JAK1: variants seen among roughly 807,000 people sequenced by gnomAD.
JAK1 encodes Janus kinase 1, also known as tyrosine-protein kinase JAK1.
In JAK1, 16 loss-of-function variants were observed where a neutral mutation model predicts 136.6. The observed-to-expected ratio is 0.12, with a 90% confidence interval of 0.08 to 0.18. The LOEUF (loss-of-function observed/expected upper bound fraction) is 0.18, where lower values mean the gene tolerates loss of function less well. Among genes scored for constraint, JAK1 ranks in the 10% least tolerant of loss-of-function variants. The pLI is 1.00. For missense variants in JAK1, 859 were observed against 1,450.1 expected, an observed-to-expected ratio of 0.59 and a Z score of 6.62; for synonymous variants, 492 against 519.5, an observed-to-expected ratio of 0.95 and a Z score of 0.72.
intron 2 of JAK1, among the ~76,000 whole-genome samples, chr1:65,018,012 G>A (rs1249921762): frequency 6.6e-6 from 1 of 151,868 alleles, no homozygotes. Context: ...GTTTCACCAT[G>A]TTGGCCGGCG....
intron 8 of JAK1, among the ~76,000 whole-genome samples, chr1:64,861,098 G>A (rs117244449): frequency 1.3e-5 from 2 of 152,186 alleles, no homozygotes; most frequent in East Asian, 3.9e-4. Context: ...GCACAAAAGT[G>A]GAGGTGGGAA....
intron 1 of JAK1, among the ~76,000 whole-genome samples, chr1:64,921,661 G>A (rs1007210017): frequency 1.3e-5 from 2 of 152,078 alleles, no homozygotes; most frequent in Non-Finnish European, 2.9e-5. Flanking sequence ...CCAAACTGAT[G>A]TGTAACCTAG....
chr1:64,839,469 G>T, intron 20 of JAK1, 134 bp downstream of exon 20: 2 of 733,288 alleles, frequency 2.7e-6, no homozygotes, highest in East Asian at 5.4e-5. Flanking sequence ...TGGAAGCCTT[G>T]AGAGTGTGTG....
At chr1:65,023,913 CT>C (rs35481521) in intron 2 of JAK1, among the ~76,000 whole-genome samples, 25,088 of 119,126 alleles carry the variant, frequency 0.21, 2,412 homozygotes, top group East Asian at 0.39. Context: ...TAGATTCATC[CT>C]TTTTTTTTTT....
chr1:64,928,778 C>CAAAAAAAAAAAAAAAAAAAAAAAAAAAA (rs1183218798), intron 1 of JAK1, among the ~76,000 whole-genome samples: 17 of 61,148 alleles, frequency 2.8e-4, no homozygotes, highest in Middle Eastern at 0.024. Flanking sequence ...TAAAACTCTG[C>CAAAAAAAAAAAAAAAAAAAAAAAAAAAA]AAAAAAAAAA....
At chr1:64,876,867 T>C (rs561899746) in intron 4 of JAK1, among the ~76,000 whole-genome samples, 13 of 152,334 alleles carry the variant, frequency 8.5e-5, no homozygotes, top group Non-Finnish European at 1.6e-4. Flanking sequence ...CTGCAAGTTT[T>C]TGAGAAAATT....
At chr1:64,999,735 T>TAAA (rs77414910) in intron 2 of JAK1, among the ~76,000 whole-genome samples, 1 of 130,272 alleles carries the variant, frequency 7.7e-6, no homozygotes. Context: ...ACCCTCTCTT[T>TAAA]AAAAAAAAAA....
At chr1:64,922,924 G>C (rs12024070) in intron 1 of JAK1, among the ~76,000 whole-genome samples, 1 of 151,998 alleles carries the variant, frequency 6.6e-6, no homozygotes, top group Non-Finnish European at 1.5e-5. Flanking sequence ...GTATCAATTC[G>C]CTCTCACCTA....
intron 2 of JAK1, among the ~76,000 whole-genome samples, chr1:65,034,981 G>C (rs920017786): frequency 6.6e-6 from 1 of 152,056 alleles, no homozygotes; most frequent in Non-Finnish European, 1.5e-5. Context: ...GTTTGAACCT[G>C]GGAGGCGGAG....
In JAK1 at chr1:65,052,861, CAAAAAA is replaced by C. The variant is rs35560095; in HGVS notation, c.-180-8285_-180-8280del. 7.9e-5 allele frequency among the ~76,000 whole-genome samples: 7 copies of C among 88,654 alleles called. No homozygotes were observed. The South Asian group carries it at 2.0e-3, about 25-fold the overall frequency. The allele number at this position is 88,654 out of a possible 152,430, so 58.2% of individuals were successfully genotyped here. On this transcript the variant is annotated intron_variant, in intron 1 of 25. Transcript: ENST00000671954. The stretch of plus-strand genomic sequence containing the variant: ...TGGGTGTCAGAGCGAGACTCCATCT[CAAAAAA>C]AAAAAAAAAAAAAATTAGCCAAGCA...
chr1:65,015,007 A>C (rs890536247), intron 2 of JAK1, among the ~76,000 whole-genome samples: 11 of 152,136 alleles, frequency 7.2e-5, no homozygotes, highest in African/African-American at 2.7e-4. Context: ...TTCTTAGTGA[A>C]AAAAAATCTT....
intron 1 of JAK1, among the ~76,000 whole-genome samples, chr1:64,950,641 A>G (rs1483602245): frequency 1.3e-5 from 2 of 152,116 alleles, no homozygotes; most frequent in African/African-American, 4.8e-5. Context: ...CTTCTCTCAT[A>G]AGACACTGCC....
chr1:64,879,421 C>T (rs559136121), intron 3 of JAK1, among the ~76,000 whole-genome samples: 1 of 152,270 alleles, frequency 6.6e-6, no homozygotes, highest in Non-Finnish European at 1.5e-5. Flanking sequence ...TGATATTTCT[C>T]ATTACAGGTA....
intron 1 of JAK1, among the ~76,000 whole-genome samples, chr1:64,926,850 T>C (rs1160794504): frequency 6.6e-6 from 1 of 152,180 alleles, no homozygotes; most frequent in Non-Finnish European, 1.5e-5. Context: ...TTTCTTCATC[T>C]GTAAAACAAT....
At chr1:64,981,022 C>G (rs1646540634) in intron 2 of JAK1, among the ~76,000 whole-genome samples, 1 of 152,172 alleles carries the variant, frequency 6.6e-6, no homozygotes, top group Non-Finnish European at 1.5e-5. Context: ...CCTATTTATT[C>G]TATTACACCT....
intron 2 of JAK1, among the ~76,000 whole-genome samples, chr1:64,982,488 T>C (rs968946303): frequency 1.3e-5 from 2 of 152,116 alleles, no homozygotes; most frequent in Admixed American, 6.6e-5. Context: ...TTTCAGATTA[T>C]TGCAATCAGC....
intron 1 of JAK1, among the ~76,000 whole-genome samples, chr1:64,924,154 T>C (rs1484799273): frequency 6.6e-6 from 1 of 152,216 alleles, no homozygotes; most frequent in East Asian, 1.9e-4. Flanking sequence ...GCAAGTGATT[T>C]ATAAAAATGG....
intron 1 of JAK1, among the ~76,000 whole-genome samples, chr1:64,957,837 G>A (rs1471925018): frequency 6.6e-6 from 1 of 152,210 alleles, no homozygotes. Context: ...CCAGCCACTT[G>A]GGAGGCTGAG....
chr1:65,060,946 AAG>A (rs1413924159), intron 1 of JAK1, among the ~76,000 whole-genome samples: 11 of 152,322 alleles, frequency 7.2e-5, no homozygotes, highest in African/African-American at 2.4e-4. Context: ...CATACTAAGG[AAG>A]AGAGAAAACA....
Sources: gnomAD v4.1 joint callset for allele counts (sites outside exome capture counted in the v4.1 genomes callset) on GRCh38, gnomAD v4.1.1 for gene constraint, MANE v1.5 for transcripts, NCBI Gene and HGNC (gene_info 2026-07-23, HGNC 2026-07-21) for gene names.